RIMS2: variants seen among roughly 807,000 people sequenced by gnomAD.
RIMS2 encodes regulating synaptic membrane exocytosis 2.
RIMS2 carries 59 observed loss-of-function variants against 174.4 expected under a neutral mutation model. The ratio of observed to expected loss-of-function variants is 0.34; its 90% CI spans 0.27 to 0.42. The LOEUF (loss-of-function observed/expected upper bound fraction) is 0.42. Among genes scored for constraint, RIMS2 ranks in the 10% least tolerant of loss-of-function variants. The pLI is 1.00. For missense variants in RIMS2, 1,620 were observed against 1,666.3 expected, an observed-to-expected ratio of 0.97 and a Z score of 0.48; for synonymous variants, 606 against 572.5, an observed-to-expected ratio of 1.06 and a Z score of -0.84.
chr8:104,105,804 C>T (rs1229444433), intron 19 of RIMS2, among the ~76,000 whole-genome samples: 3 of 151,516 alleles, frequency 2.0e-5, no homozygotes, highest in South Asian at 2.1e-4. Context: ...TTTGGGAGGC[C>T]GAGGTGGGCA....
chr8:103,801,047 C>T (rs1055551010), intron 3 of RIMS2, among the ~76,000 whole-genome samples: 11 of 152,048 alleles, frequency 7.2e-5, no homozygotes, highest in Non-Finnish European at 1.2e-4. Flanking sequence ...GGCTGGAGTG[C>T]GGTGGCATGA....
intron 17 of RIMS2, among the ~76,000 whole-genome samples, chr8:104,009,658 C>T (rs1002319262): frequency 6.6e-6 from 1 of 152,034 alleles, no homozygotes; most frequent in African/African-American, 2.4e-5. Context: ...CTTGCCCAAA[C>T]CTGAGACCAT....
intron 19 of RIMS2, among the ~76,000 whole-genome samples, chr8:104,082,495 T>C (rs1026803243): frequency 2.6e-5 from 4 of 152,102 alleles, no homozygotes; most frequent in Non-Finnish European, 5.9e-5. Context: ...AAGAGAGAGC[T>C]TAAACAAAGT....
At chr8:103,583,558 A>T (rs2093734910) in intron 1 of RIMS2, among the ~76,000 whole-genome samples, 1 of 152,184 alleles carries the variant, frequency 6.6e-6, no homozygotes, top group Admixed American at 6.5e-5. Context: ...ACAGAGAAGA[A>T]ATTCAGAATT....
intron 1 of RIMS2, among the ~76,000 whole-genome samples, chr8:103,638,156 A>T (rs112475647): frequency 1.3e-5 from 2 of 152,114 alleles, no homozygotes; most frequent in Non-Finnish European, 2.9e-5. Context: ...TATTGGTTGC[A>T]AGTGGGTCAC....
At chr8:104,166,179 G>T (rs998855043) in intron 19 of RIMS2, among the ~76,000 whole-genome samples, 1 of 148,864 alleles carries the variant, frequency 6.7e-6, no homozygotes, top group African/African-American at 2.5e-5. Flanking sequence ...CCATTCTCCT[G>T]CCTCAGCCTC....
intron 2 of RIMS2, among the ~76,000 whole-genome samples, chr8:103,742,773 G>A (rs931393684): frequency 3.3e-5 from 5 of 152,062 alleles, no homozygotes; most frequent in East Asian, 3.9e-4. Context: ...CTTTAACAAC[G>A]ATGCCTCAAG....
intron 19 of RIMS2, among the ~76,000 whole-genome samples, chr8:104,161,245 A>G (rs2098759133): frequency 6.6e-6 from 1 of 152,172 alleles, no homozygotes; most frequent in Non-Finnish European, 1.5e-5. Context: ...TTGCCAGGGT[A>G]CCAATTGATC....
chr8:103,918,254 GC>G, intron 8 of RIMS2, among the ~76,000 whole-genome samples, 186 bp from the exon 12 acceptor site: 1 of 152,218 alleles, frequency 6.6e-6, no homozygotes, highest in Non-Finnish European at 1.5e-5. Context: ...GTTGGGGTTA[GC>G]CCAGGATACT....
At chr8:103,609,574 C>G (rs1333023633) in intron 1 of RIMS2, among the ~76,000 whole-genome samples, 1 of 152,156 alleles carries the variant, frequency 6.6e-6, no homozygotes, top group Non-Finnish European at 1.5e-5. Context: ...TCTGCAAACA[C>G]TATAGTCAGT....
intron 2 of RIMS2, among the ~76,000 whole-genome samples, chr8:103,742,708 T>G (rs1440543492): frequency 6.6e-6 from 1 of 152,198 alleles, no homozygotes; most frequent in South Asian, 2.1e-4. Flanking sequence ...TTCTTTAGGG[T>G]TTGAATGTTT....
intron 1 of RIMS2, among the ~76,000 whole-genome samples, chr8:103,584,684 T>C (rs903519590): frequency 1.3e-5 from 2 of 152,184 alleles, no homozygotes; most frequent in Non-Finnish European, 2.9e-5. Flanking sequence ...TAATGGGTTA[T>C]AATATTTGCA....
chr8:104,109,083 G>C (rs753236865), intron 19 of RIMS2, among the ~76,000 whole-genome samples: 6 of 151,790 alleles, frequency 4.0e-5, no homozygotes, highest in African/African-American at 7.3e-5. Context: ...AGATCAATAG[G>C]TCAGGAGATC....
At chr8:103,670,113 A>G (rs963201420) in intron 1 of RIMS2, among the ~76,000 whole-genome samples, 5 of 152,150 alleles carry the variant, frequency 3.3e-5, no homozygotes, top group Non-Finnish European at 5.9e-5. Flanking sequence ...ACTTCTGTAC[A>G]CCCTCAGGCT....
intron 19 of RIMS2, among the ~76,000 whole-genome samples, chr8:104,098,214 A>T (rs959045085): frequency 6.6e-6 from 1 of 152,176 alleles, no homozygotes; most frequent in Non-Finnish European, 1.5e-5. Context: ...TAATATATTT[A>T]TACTTAGCTA....
chr8:104,179,850 T>G (rs956635190), intron 19 of RIMS2, among the ~76,000 whole-genome samples: 1 of 151,846 alleles, frequency 6.6e-6, no homozygotes, highest in African/African-American at 2.4e-5. Context: ...AGTTGCTTCC[T>G]TACTTACCTA....
chr8:103,976,399 G>C (rs1234346394), intron 16 of RIMS2: 1 of 152,018 alleles, frequency 6.6e-6, no homozygotes, highest in African/African-American at 2.4e-5. Context: ...ATTGATATGA[G>C]TATATCTAGG....
At chr8:103,915,750 T>A (rs1444493537) in intron 7 of RIMS2, among the ~76,000 whole-genome samples, 156 bp downstream of exon 10, 2 of 152,010 alleles carry the variant, frequency 1.3e-5, no homozygotes, top group African/African-American at 4.8e-5. Context: ...AACTATTATT[T>A]CTTGAGTCAT....
chr8:103,877,638 A>G (rs1012235684), intron 3 of RIMS2, among the ~76,000 whole-genome samples: 2 of 151,670 alleles, frequency 1.3e-5, no homozygotes, highest in Admixed American at 6.6e-5. Context: ...CTGTAGCCTT[A>G]TAGTTTAATT....
Sources: allele counts gnomAD v4.1 joint callset (sites outside exome capture counted in the v4.1 genomes callset), GRCh38; gene constraint gnomAD v4.1.1; transcripts MANE v1.5; gene names NCBI Gene and HGNC (gene_info 2026-07-23, HGNC 2026-07-21).